HEATR5A: variants seen among roughly 807,000 people sequenced by gnomAD.
The protein encoded by HEATR5A is HEAT repeat-containing protein 5A.
A neutral mutation model predicts 218.8 loss-of-function variants in HEATR5A; 178 were observed. That is an observed-to-expected ratio of 0.81 (90% CI 0.72 to 0.92). The LOEUF is 0.92. Ranked by LOEUF, HEATR5A falls within the 40% of genes least tolerant of loss-of-function variation. The pLI is 0.00. For synonymous variants in HEATR5A, 864 were observed against 871.6 expected (o/e 0.99, Z 0.15); for missense variants, 2,420 against 2,418.9 (o/e 1.00, Z -0.01).
At chr14:31,375,496 A>G (rs898719923) in intron 11 of HEATR5A, among the ~76,000 whole-genome samples, 3 of 152,014 alleles carry the variant, frequency 2.0e-5, no homozygotes, top group African/African-American at 7.2e-5. Context: ...AACCCCCCTG[A>G]GCTTAAGTGA....
chr14:31,301,470 G>A (rs1899371280), intron 33 of HEATR5A, among the ~76,000 whole-genome samples: 1 of 152,156 alleles, frequency 6.6e-6, no homozygotes, highest in South Asian at 2.1e-4. Flanking sequence ...ATCATTTATT[G>A]ATATATGCCA....
At chr14:31,351,597 T>C (rs1397782349) in intron 16 of HEATR5A, among the ~76,000 whole-genome samples, 1 of 151,828 alleles carries the variant, frequency 6.6e-6, no homozygotes. Context: ...GTTTTACATA[T>C]AGTATAGTCC....
rs966650530 is a variant in HEATR5A at position 31,293,464 on chromosome 14, A to T, written c.5982T>A (p.Val1994=). ...GAGAAGAAGCCACTAAACTTTTAAAAACAGATGAATACTGAGGTCCAATTT... is the reference window on the plus strand; with the variant it reads ...GAGAAGAAGCCACTAAACTTTTAAATACAGATGAATACTGAGGTCCAATTT... ...LMQIGPQYSS[V]FKSLVASSPA... is the part of the protein sequence containing the mutation. The change falls in exon 36 of 36, where the codon GTT becomes GTA. Residue 1994 remains valine, a synonymous_variant. Coordinates refer to ENST00000543095, the MANE Select transcript of HEATR5A (RefSeq NM_015473.4). 1 of 1,614,022 alleles carries T rather than the reference A, an allele frequency of 6.2e-7. No homozygotes were observed. Among genetic ancestry groups the T allele is most frequent in the Non-Finnish European group, 8.5e-7 (1 of 1,179,894 alleles).
chr14:31,340,614 A>C (rs942786135), intron 21 of HEATR5A: 1 of 418,658 alleles, frequency 2.4e-6, no homozygotes, highest in Admixed American at 4.1e-5. Flanking sequence ...TCAGCTTAAA[A>C]ATTTGCCACA....
At position 31,371,907 on chromosome 14, in the gene HEATR5A, T is replaced by G; in HGVS notation, c.1864A>C (p.Ile622Leu). The change falls in exon 13 of 36, where the codon ATC becomes CTC. Residue 622 changes from isoleucine to leucine, a missense_variant and splice_region_variant. Physicochemically the swap from Ile to Leu is conservative, Grantham distance 5. Transcript: ENST00000543095. ...LEGRAGALCA[I>L]KSFVSHCGDL... is the part of the protein sequence containing the mutation. ...CCACAGTGGGAAACAAAGCTCTTGA[T>G]AGCTGAAAAGGAAAACAGACTTTTA... is the stretch of plus-strand genomic sequence containing the variant. 1 of 1,502,014 alleles carries G rather than the reference T, an allele frequency of 6.7e-7. No homozygotes were observed. The highest frequency in any genetic ancestry group is 9.0e-7 in the Non-Finnish European group (1 of 1,112,654). The allele number at this position is 1,502,014 out of a possible 1,614,324, so 93.0% of individuals were successfully genotyped here.
chr14:31,388,627 T>C (rs2030326273), intron 7 of HEATR5A, among the ~76,000 whole-genome samples: 1 of 152,182 alleles, frequency 6.6e-6, no homozygotes, highest in Non-Finnish European at 1.5e-5. Flanking sequence ...ATTAAAATGT[T>C]CCATTATTAG....
At chr14:31,356,825 A>G (rs1230114724) in intron 16 of HEATR5A, among the ~76,000 whole-genome samples, 1 of 152,208 alleles carries the variant, frequency 6.6e-6, no homozygotes, top group East Asian at 1.9e-4. Flanking sequence ...TCACTTTTTT[A>G]AGAGGAAAGG....
At chr14:31,331,140 C>A (rs1335244845) in intron 22 of HEATR5A, among the ~76,000 whole-genome samples, 1 of 151,922 alleles carries the variant, frequency 6.6e-6, no homozygotes, top group Non-Finnish European at 1.5e-5. Flanking sequence ...GGGTTTTCAT[C>A]ATTTGACCAG....
Position 31,304,905 on chromosome 14 carries a change from C to G in HEATR5A, c.5239G>C (p.Gly1747Arg), listed in dbSNP as rs745525363. ...SELPAVCSPE[G>R]SISILPTILY... Reference sequence around the variant, plus strand: ...CAAGCAATCACATACCACAGCATACCTTCAGGAGAGCACACTGCAGGAAGT... The same window carrying G: ...CAAGCAATCACATACCACAGCATACGTTCAGGAGAGCACACTGCAGGAAGT... Residue 1747 changes from glycine to arginine, a missense_variant and splice_region_variant, in exon 32 of 36, where the codon GGA (glycine) becomes CGA (arginine). Transcript: ENST00000543095. 14 of 1,613,820 alleles carry G rather than the reference C, an allele frequency of 8.7e-6. No homozygotes were observed. The highest frequency in any genetic ancestry group is 1.0e-5 in the Non-Finnish European group (12 of 1,179,828).
chr14:31,399,222 T>C (rs1188213501), intron 3 of HEATR5A, among the ~76,000 whole-genome samples: 1 of 152,212 alleles, frequency 6.6e-6, no homozygotes, highest in African/African-American at 2.4e-5. Context: ...ATAAAATTTC[T>C]AAGAATCTAT....
intron 1 of HEATR5A, chr14:31,420,231 G>A (rs924603703): frequency 2.0e-5 from 3 of 152,534 alleles, no homozygotes; most frequent in African/African-American, 7.2e-5. Context: ...CCGACCCTGT[G>A]CCCCAGTCAG....
chr14:31,340,079 C>T (rs918593076), intron 21 of HEATR5A, among the ~76,000 whole-genome samples: 1 of 152,076 alleles, frequency 6.6e-6, no homozygotes, highest in Admixed American at 6.5e-5. Context: ...TTAATGTCTC[C>T]ATGTCATTCT....
intron 13 of HEATR5A, among the ~76,000 whole-genome samples, chr14:31,369,523 A>G (rs1002911425): frequency 6.7e-6 from 1 of 149,308 alleles, no homozygotes; most frequent in Non-Finnish European, 1.5e-5. Flanking sequence ...AAGCAGGAGA[A>G]TAATTTGAAA....
rs773973043 is a variant in HEATR5A, at chr14:31,349,834, T to C, written c.2663A>G (p.Asp888Gly). 1.9e-6 allele frequency: 3 copies of C among 1,613,284 alleles called. No individual in the cohort carries two copies. Among genetic ancestry groups the C allele is most frequent in the African/African-American group, 1.3e-5 (1 of 74,928 alleles). The change falls in exon 18 of 36, where the codon GAT (aspartate) becomes GGT (glycine). Residue 888 changes from aspartate to glycine, a missense_variant. Coordinates refer to ENST00000543095, the MANE Select transcript of HEATR5A (RefSeq NM_015473.4). The part of the protein sequence containing the change: ...ESWARLAQVV[D>G]DGAFTAGLAQ... ...TAATCCAGCAGTAAAAGCTCCATCA[T>C]CTACCACTTGGGCTAATCTAGCCCA... is the stretch of plus-strand genomic sequence containing the variant.
At chr14:31,375,019 T>C in intron 11 of HEATR5A, 51 bp from the exon 12 acceptor site, 1 of 1,442,170 alleles carries the variant, frequency 6.9e-7, no homozygotes. Context: ...GTTGTCACTC[T>C]TTAAAACTCT....
intron 25 of HEATR5A, among the ~76,000 whole-genome samples, chr14:31,318,608 A>G (rs561182491): frequency 2.0e-4 from 30 of 152,222 alleles, no homozygotes; most frequent in Admixed American, 3.9e-4. Context: ...CTCCTGCCTC[A>G]GCCTCCCAAG....
chr14:31,308,117 A>G, intron 29 of HEATR5A, 97 bp from the exon 30 acceptor site: 1 of 1,136,488 alleles, frequency 8.8e-7, no homozygotes, highest in South Asian at 1.7e-5. Flanking sequence ...ATATAAACAA[A>G]CAGTAAAAAG....
intron 29 of HEATR5A, among the ~76,000 whole-genome samples, chr14:31,308,616 T>C (rs1408737308): frequency 6.6e-6 from 1 of 151,874 alleles, no homozygotes; most frequent in Admixed American, 6.6e-5. Context: ...GGAAAACATA[T>C]GGAGTTTCAT....
intron 33 of HEATR5A, among the ~76,000 whole-genome samples, chr14:31,301,656 G>A (rs1266690357): frequency 6.6e-6 from 1 of 151,742 alleles, no homozygotes; most frequent in East Asian, 1.9e-4. Flanking sequence ...CCACACCTGG[G>A]TAATTTTTGT....
Sources: gnomAD v4.1 joint callset for allele counts (sites outside exome capture counted in the v4.1 genomes callset) on GRCh38, gnomAD v4.1.1 for gene constraint, MANE v1.5 for transcripts, NCBI Gene and HGNC (gene_info 2026-07-23, HGNC 2026-07-21) for gene names.